RGS20: variants seen among roughly 807,000 people sequenced by gnomAD.
RGS20 encodes the protein gz-selective GTPase-activating protein.
A neutral mutation model predicts 33.6 loss-of-function variants in RGS20; 30 were observed. The observed-to-expected ratio is 0.89, with a 90% CI of 0.67 to 1.21. The LOEUF (loss-of-function observed/expected upper bound fraction) is 1.21, where lower values mean the gene tolerates loss of function less well. Among genes scored for constraint, RGS20 ranks in the 50% most tolerant of loss-of-function variants. The probability of loss-of-function intolerance (pLI) is 0.00; values close to 1 mark genes in which losing one functional copy is unlikely to be tolerated. For missense variants in RGS20, 472 were observed against 502.4 expected (o/e 0.94, Z 0.58); for synonymous variants, 208 against 197.9 (o/e 1.05, Z -0.43).
chr8:53,909,205 G>GTGTGTA (rs1554520816), intron 2 of RGS20, among the ~76,000 whole-genome samples: 1 of 55,766 alleles, frequency 1.8e-5, no homozygotes, highest in African/African-American at 9.8e-5. Context: ...ATTATGGTAT[G>GTGTGTA]TGTGTATATA....
chr8:53,921,225 T>C (rs1348780199), intron 2 of RGS20, among the ~76,000 whole-genome samples: 1 of 152,294 alleles, frequency 6.6e-6, no homozygotes, highest in South Asian at 2.1e-4. Context: ...TTGCTAGTAT[T>C]TTAAGATTTT....
At chr8:53,881,026 C>A in intron 2 of RGS20, 1 of 1,589,270 alleles carries the variant, frequency 6.3e-7, no homozygotes, top group Non-Finnish European at 8.5e-7. Flanking sequence ...ATGCGCACGG[C>A]GGACGGAGGC....
chr8:53,884,259 G>C (rs1231095900), intron 2 of RGS20, among the ~76,000 whole-genome samples: 3 of 139,166 alleles, frequency 2.2e-5, no homozygotes, highest in Non-Finnish European at 4.5e-5. Context: ...GCAGTGGCAC[G>C]ACTGAGGCCC....
intron 4 of RGS20, 141 bp from the exon 4 acceptor site, chr8:53,953,933 AAC>A: frequency 2.9e-6 from 2 of 695,904 alleles, no homozygotes; most frequent in Admixed American, 2.7e-5. Context: ...AGGAAATGCG[AAC>A]AGTTCTTTCC....
At chr8:53,906,472 A>G (rs1329250482) in intron 2 of RGS20, among the ~76,000 whole-genome samples, 1 of 152,206 alleles carries the variant, frequency 6.6e-6, no homozygotes, top group Non-Finnish European at 1.5e-5. Context: ...GTGAAAAATC[A>G]TCCTCCATCC....
intron 2 of RGS20, among the ~76,000 whole-genome samples, chr8:53,924,631 C>A (rs1242979096): frequency 6.6e-6 from 1 of 152,130 alleles, no homozygotes; most frequent in African/African-American, 2.4e-5. Context: ...GCTGCAAGTT[C>A]ATTTTAAAGC....
chr8:53,889,556 T>C (rs1275273857), intron 2 of RGS20, among the ~76,000 whole-genome samples: 1 of 151,442 alleles, frequency 6.6e-6, no homozygotes, highest in Non-Finnish European at 1.5e-5. Context: ...ATTTTTTTAT[T>C]TTGGATATTG....
intron 2 of RGS20, among the ~76,000 whole-genome samples, chr8:53,890,519 C>T (rs988838559): frequency 6.6e-6 from 1 of 152,180 alleles, no homozygotes; most frequent in Non-Finnish European, 1.5e-5. Flanking sequence ...CTGGTAATTT[C>T]TTCCACCAGC....
At chr8:53,898,926 G>A (rs1029858456) in intron 2 of RGS20, among the ~76,000 whole-genome samples, 4 of 152,208 alleles carry the variant, frequency 2.6e-5, no homozygotes, top group African/African-American at 7.2e-5. Context: ...GCTATGTAAC[G>A]TGACTGGCAT....
At chr8:53,901,102 C>T (rs1197583066) in intron 2 of RGS20, among the ~76,000 whole-genome samples, 2 of 142,392 alleles carry the variant, frequency 1.4e-5, no homozygotes, top group Non-Finnish European at 1.5e-5. Context: ...CTTGCTCTAT[C>T]ACCCAGGCTG....
intron 2 of RGS20, among the ~76,000 whole-genome samples, chr8:53,935,185 A>G (rs1055701205): frequency 6.6e-6 from 1 of 152,208 alleles, no homozygotes; most frequent in Non-Finnish European, 1.5e-5. Flanking sequence ...ACACCCTAAC[A>G]TCACAATTAA....
At chr8:53,860,310 A>G (rs974746449) in intron 1 of RGS20, among the ~76,000 whole-genome samples, 3 of 152,252 alleles carry the variant, frequency 2.0e-5, no homozygotes, top group African/African-American at 7.2e-5. Flanking sequence ...ATGTTTTCCC[A>G]TAAGACTATA....
intron 2 of RGS20, among the ~76,000 whole-genome samples, chr8:53,909,784 G>A (rs1360396444): frequency 6.6e-6 from 1 of 152,188 alleles, no homozygotes; most frequent in Non-Finnish European, 1.5e-5. Flanking sequence ...AACCATTTCT[G>A]AGAATGGATT....
chr8:53,901,023 T>A (rs1456052972), intron 2 of RGS20, among the ~76,000 whole-genome samples: 2 of 151,034 alleles, frequency 1.3e-5, no homozygotes, highest in Admixed American at 1.3e-4. Context: ...TCGACCTCGG[T>A]CTACCAACAG....
intron 3 of RGS20, among the ~76,000 whole-genome samples, chr8:53,941,145 T>G (rs729016): frequency 0.48 from 73,008 of 152,008 alleles, 19,505 homozygotes; most frequent in African/African-American, 0.72. Flanking sequence ...AGAGGGCGGG[T>G]CAGGTCCCAG....
rs372836481 is a variant in RGS20, at chr8:53,877,676, A to C, written c.166-1582A>C. On this transcript the variant is annotated intron_variant, in intron 1 of 5. Coordinates refer to ENST00000297313, the MANE Select transcript of RGS20 (RefSeq NM_170587.4). This position sits in a 1 kb window ranked among gnomAD's most constrained non-coding sequence, Gnocchi z 5.7. ...GGGGAGCAGCTGAACGAGGAGAATG[A>C]AAATACTGGGAGAACGACCCCATTC... is the stretch of plus-strand genomic sequence containing the variant. Among the ~76,000 whole-genome samples the C allele has an allele frequency of 9.8e-5, 15 of 152,336 alleles. 1 individual carries two copies. In the East Asian group the frequency reaches 2.3e-3, roughly 24 times the overall value.
intron 2 of RGS20, among the ~76,000 whole-genome samples, chr8:53,921,531 C>G (rs1813646661): frequency 6.7e-6 from 1 of 150,230 alleles, no homozygotes; most frequent in South Asian, 2.1e-4. Flanking sequence ...AATCTCTTTA[C>G]TTGTTAAAGT....
intron 1 of RGS20, chr8:53,876,495 C>T (rs1222543057): frequency 6.6e-6 from 1 of 152,246 alleles, no homozygotes; most frequent in Non-Finnish European, 1.5e-5. Context: ...TGACAGTCCT[C>T]AGACTGTCAA....
At chr8:53,873,841 C>T (rs937201269) in intron 1 of RGS20, among the ~76,000 whole-genome samples, 3 of 152,200 alleles carry the variant, frequency 2.0e-5, no homozygotes, top group East Asian at 3.8e-4. Flanking sequence ...GAATCATTCA[C>T]GTAGTTCCTT....
Sources: allele counts gnomAD v4.1 joint callset (sites outside exome capture counted in the v4.1 genomes callset), GRCh38; gene constraint gnomAD v4.1.1; non-coding constraint Gnocchi (gnomAD v3.1); transcripts MANE v1.5; gene names NCBI Gene and HGNC (gene_info 2026-07-23, HGNC 2026-07-21).